Variants in TBCE observed in about 807,000 individuals in gnomAD.
The protein encoded by TBCE is tubulin-specific chaperone E.
Under a neutral mutation model 77.0 loss-of-function variants are expected in TBCE, and 53 were observed. The ratio of observed to expected loss-of-function variants is 0.69; its 90% CI spans 0.55 to 0.87. The LOEUF (loss-of-function observed/expected upper bound fraction) is 0.87, where lower values mean the gene tolerates loss of function less well. Among genes scored for constraint, TBCE ranks in the 40% least tolerant of loss-of-function variants. The pLI is 0.00. For synonymous variants in TBCE, 235 were observed against 241.3 expected (o/e 0.97, Z 0.24); for missense variants, 624 against 622.4 (o/e 1.00, Z -0.03).
chr1:235,393,934 C>T (rs1403568532), intron 2 of TBCE, among the ~76,000 whole-genome samples: 8 of 152,082 alleles, frequency 5.3e-5, no homozygotes, highest in South Asian at 2.1e-4. Context: ...ACAGACACAC[C>T]GTGGTATTTA....
chr1:235,435,830 C>T lies in TBCE; in HGVS notation c.823C>T (p.His275Tyr), dbSNP rs1374966097. The T allele has an allele frequency of 6.2e-7, 1 of 1,614,038 alleles. No individual in the cohort carries two copies. Among genetic ancestry groups the T allele is most frequent in the Non-Finnish European group, 8.5e-7 (1 of 1,179,934 alleles). The change falls in exon 9 of 17, where the codon CAC becomes TAC. Residue 275 changes from histidine to tyrosine, a missense_variant. Transcript: ENST00000642610. ...TGAAAATCAGCTGTATCTGATAGCC[C>T]ACCTGCCCAGGTAATTTGCCCCTAA... ...IDENQLYLIAHLPRLEQLILS... is the reference protein window; with the variant it reads ...IDENQLYLIAYLPRLEQLILS...
At chr1:235,381,771 T>C (rs966487539) in intron 2 of TBCE, among the ~76,000 whole-genome samples, 1 of 150,870 alleles carries the variant, frequency 6.6e-6, no homozygotes, top group African/African-American at 2.4e-5. Flanking sequence ...GCAAGAATAA[T>C]TATTTTTCTT....
chr1:235,373,127 TA>T (rs1677075528), intron 1 of TBCE, among the ~76,000 whole-genome samples: 1 of 151,882 alleles, frequency 6.6e-6, no homozygotes, highest in African/African-American at 2.4e-5. Context: ...GCCCAGGAGT[TA>T]AAGACCAGCC....
At chr1:235,428,631 C>CTTTATTTATTTATTTATTTA (rs144210623) in intron 6 of TBCE, among the ~76,000 whole-genome samples, 3,379 of 147,448 alleles carry the variant, frequency 0.023, 55 homozygotes, top group Middle Eastern at 0.051. Context: ...TTTAAGGACA[C>CTTTATTTATTTATTTATTTA]TTTATTTATT....
chr1:235,397,288 G>A (rs1415466363), intron 2 of TBCE, among the ~76,000 whole-genome samples: 3 of 147,264 alleles, frequency 2.0e-5, no homozygotes, highest in Non-Finnish European at 4.4e-5. Context: ...TGCAAGCTCC[G>A]CCTCCTGGGT....
chr1:235,391,781 A>G (rs1272456818), intron 2 of TBCE, among the ~76,000 whole-genome samples: 3 of 150,946 alleles, frequency 2.0e-5, no homozygotes, highest in African/African-American at 7.3e-5. Context: ...TAATTTTTAT[A>G]TTTTTAGTAG....
At chr1:235,419,415 A>T (rs771222246) in intron 4 of TBCE, 58 bp from the exon 5 acceptor site, 1 of 1,613,092 alleles carries the variant, frequency 6.2e-7, no homozygotes, top group African/African-American at 1.3e-5. Flanking sequence ...AATTTTTTAA[A>T]GGGCCAGTGG....
Position 235,438,707 on chromosome 1 carries a change from C to T in TBCE, c.1117-62C>T, listed in dbSNP as rs190080089. ...TATGGAGGAAGGACAAGGTGCAAAA[C>T]GCAAAGGACATGTTAGAAAAAAGCT... On this transcript the variant is annotated intron_variant, in intron 12 of 16. Coordinates refer to ENST00000642610, the MANE Select transcript of TBCE (RefSeq NM_003193.5). The T allele has an allele frequency of 2.3e-4, 362 of 1,607,496 alleles. 1 individual carries two copies. In the African/African-American group the frequency reaches 4.0e-3, roughly 18 times the overall value.
chr1:235,387,118 C>T (rs1255868597), intron 2 of TBCE, among the ~76,000 whole-genome samples: 44 of 151,902 alleles, frequency 2.9e-4, no homozygotes, highest in Non-Finnish European at 4.6e-4. Flanking sequence ...AGCGGATTTT[C>T]GTGAACCGCG....
chr1:235,376,623 G>A (rs976040947), intron 1 of TBCE, among the ~76,000 whole-genome samples: 6 of 152,070 alleles, frequency 3.9e-5, no homozygotes, highest in African/African-American at 1.4e-4. Flanking sequence ...AGACCTCTTA[G>A]CTTACTAAAA....
intron 1 of TBCE, among the ~76,000 whole-genome samples, chr1:235,368,714 T>C (rs1236237412): frequency 6.6e-6 from 1 of 151,674 alleles, no homozygotes; most frequent in African/African-American, 2.4e-5. Flanking sequence ...TGTGCCACCA[T>C]GCCCAGCTAA....
intron 13 of TBCE, among the ~76,000 whole-genome samples, chr1:235,440,445 T>A (rs769095598): frequency 6.6e-6 from 1 of 151,768 alleles, no homozygotes; most frequent in Non-Finnish European, 1.5e-5. Context: ...CAGACTGGAG[T>A]CCAATGGCGC....
intron 6 of TBCE, chr1:235,429,955 TG>T (rs1468255266): frequency 6.6e-6 from 1 of 152,352 alleles, no homozygotes; most frequent in African/African-American, 2.4e-5. Flanking sequence ...TGACCTCAGG[TG>T]ATCCATCTGC....
chr1:235,436,644 G>C, intron 11 of TBCE, 36 bp downstream of exon 11: 2 of 1,571,536 alleles, frequency 1.3e-6, no homozygotes, highest in South Asian at 2.2e-5. Context: ...GCACACTGTT[G>C]CCTCTTTCCA....
intron 3 of TBCE, among the ~76,000 whole-genome samples, chr1:235,406,829 C>CTTT (rs141351182): frequency 2.1e-4 from 16 of 76,166 alleles, no homozygotes; most frequent in South Asian, 4.6e-4. Flanking sequence ...TGCTCCTGGG[C>CTTT]TTTTTTTTTT....
intron 3 of TBCE, among the ~76,000 whole-genome samples, chr1:235,401,966 T>G (rs183416644): frequency 9.9e-5 from 15 of 152,062 alleles, no homozygotes; most frequent in African/African-American, 3.4e-4. Flanking sequence ...AGGAATTGAT[T>G]ACACAAAATA....
intron 2 of TBCE, among the ~76,000 whole-genome samples, chr1:235,388,470 G>A (rs1678174119): frequency 6.6e-6 from 1 of 151,796 alleles, no homozygotes; most frequent in Non-Finnish European, 1.5e-5. Context: ...TGTATTTTTA[G>A]TAGAGGCAGG....
chr1:235,406,043 A>T (rs907440746), intron 3 of TBCE, among the ~76,000 whole-genome samples: 8 of 152,220 alleles, frequency 5.3e-5, no homozygotes, highest in African/African-American at 1.9e-4. Flanking sequence ...GTCATGCCTA[A>T]ACATTTACAT....
At chr1:235,397,787 C>T (rs986503527) in intron 2 of TBCE, among the ~76,000 whole-genome samples, 1 of 152,074 alleles carries the variant, frequency 6.6e-6, no homozygotes, top group African/African-American at 2.4e-5. Flanking sequence ...GTTTGTTCGC[C>T]CTGGATGTAG....
Sources: gnomAD v4.1 joint callset for allele counts (sites outside exome capture counted in the v4.1 genomes callset) on GRCh38, gnomAD v4.1.1 for gene constraint, MANE v1.5 for transcripts, NCBI Gene and HGNC (gene_info 2026-07-23, HGNC 2026-07-21) for gene names.